Variants in INPP4B observed in about 807,000 individuals in gnomAD.
INPP4B encodes the protein inositol polyphosphate 4-phosphatase type II.
A neutral mutation model predicts 122.5 loss-of-function variants in INPP4B; 55 were observed. The ratio of observed to expected loss-of-function variants is 0.45; its 90% CI spans 0.36 to 0.56. The LOEUF (loss-of-function observed/expected upper bound fraction) is 0.56. INPP4B is among the 20% of genes least tolerant of loss of function. The pLI, the probability that INPP4B is intolerant of heterozygous loss-of-function variation, is 0.00. For missense variants in INPP4B, 1,000 were observed against 1,097.7 expected, an observed-to-expected ratio of 0.91 and a Z score of 1.26; for synonymous variants, 403 against 388.7, an observed-to-expected ratio of 1.04 and a Z score of -0.43.
chr4:142,482,616 A>C (rs1820696767), intron 2 of INPP4B, among the ~76,000 whole-genome samples: 1 of 152,156 alleles, frequency 6.6e-6, no homozygotes. Flanking sequence ...TCTCTAAGAG[A>C]CACTGATTAG....
intron 2 of INPP4B, among the ~76,000 whole-genome samples, chr4:142,473,975 T>G (rs1234169701): frequency 6.6e-6 from 1 of 151,758 alleles, no homozygotes; most frequent in Non-Finnish European, 1.5e-5. Context: ...TGCTCCTGCT[T>G]CTGTGTGTAC....
intron 2 of INPP4B, among the ~76,000 whole-genome samples, chr4:142,619,380 T>C (rs1368122143): frequency 6.6e-6 from 1 of 151,972 alleles, no homozygotes; most frequent in Non-Finnish European, 1.5e-5. Flanking sequence ...ATATGGTATA[T>C]ACATACAATG....
chr4:142,409,432 G>A (rs1225633503), intron 5 of INPP4B, among the ~76,000 whole-genome samples: 1 of 152,138 alleles, frequency 6.6e-6, no homozygotes, highest in Non-Finnish European at 1.5e-5. Context: ...AGCGGAGGTT[G>A]CAGTGAGCCG....
At chr4:142,359,534 C>T (rs1012178298) in intron 7 of INPP4B, among the ~76,000 whole-genome samples, 2 of 151,786 alleles carry the variant, frequency 1.3e-5, no homozygotes, top group African/African-American at 4.8e-5. Flanking sequence ...CCATTTTTAC[C>T]CTCCCAAATT....
At chr4:142,661,685 T>C (rs1755196287) in intron 2 of INPP4B, among the ~76,000 whole-genome samples, 1 of 152,190 alleles carries the variant, frequency 6.6e-6, no homozygotes. Flanking sequence ...AGGATGACTA[T>C]TTAAAACAGA....
At chr4:142,241,798 G>C (rs1561583642) in intron 11 of INPP4B, among the ~76,000 whole-genome samples, 1 of 152,118 alleles carries the variant, frequency 6.6e-6, no homozygotes, top group Non-Finnish European at 1.5e-5. Flanking sequence ...TGGAAATACA[G>C]ATTCAGGGTC....
chr4:142,764,435 A>C (rs542503905), intron 1 of INPP4B, among the ~76,000 whole-genome samples: 79 of 152,238 alleles, frequency 5.2e-4, no homozygotes, highest in African/African-American at 1.9e-3. Flanking sequence ...ACAGCACCAT[A>C]CTGGGCTGAC....
intron 7 of INPP4B, among the ~76,000 whole-genome samples, chr4:142,370,729 A>C (rs1446095980): frequency 6.6e-6 from 1 of 152,122 alleles, no homozygotes; most frequent in Non-Finnish European, 1.5e-5. Flanking sequence ...AATTTAACCA[A>C]GGTAGTGAAA....
intron 2 of INPP4B, among the ~76,000 whole-genome samples, chr4:142,715,230 T>C (rs1038099400): frequency 1.3e-5 from 2 of 152,220 alleles, no homozygotes; most frequent in African/African-American, 2.4e-5. Context: ...AGCAGTATCA[T>C]CTAATAGAAC....
At chr4:142,067,010 G>A (rs181650433) in intron 25 of INPP4B, among the ~76,000 whole-genome samples, 11 of 152,178 alleles carry the variant, frequency 7.2e-5, no homozygotes, top group South Asian at 2.1e-4. Flanking sequence ...ATCTGAGAAC[G>A]GACAGACTGC....
intron 1 of INPP4B, chr4:142,766,143 T>G (rs1468549321): frequency 6.6e-6 from 1 of 152,176 alleles, no homozygotes; most frequent in East Asian, 1.9e-4. Flanking sequence ...GTTCTCATTA[T>G]GTTAAATTTT....
At chr4:142,490,251 A>G (rs896508975) in intron 2 of INPP4B, among the ~76,000 whole-genome samples, 11 of 151,740 alleles carry the variant, frequency 7.2e-5, no homozygotes, top group African/African-American at 2.4e-4. Context: ...CCCTAAGCTA[A>G]TTTTTATATA....
chr4:142,214,889 G>T (rs1399765578), intron 12 of INPP4B, among the ~76,000 whole-genome samples: 2 of 152,106 alleles, frequency 1.3e-5, no homozygotes, highest in East Asian at 3.9e-4. Context: ...GATGAAAAAA[G>T]ACCTTTATTG....
chr4:142,294,657 A>C (rs1158819747), intron 9 of INPP4B, among the ~76,000 whole-genome samples: 3 of 151,592 alleles, frequency 2.0e-5, no homozygotes, highest in Non-Finnish European at 2.9e-5. Flanking sequence ...CAGAGAAATA[A>C]AGGAACTCTG....
At chr4:142,199,355 C>G in intron 14 of INPP4B, among the ~76,000 whole-genome samples, 1 of 151,842 alleles carries the variant, frequency 6.6e-6, no homozygotes, top group East Asian at 1.9e-4. Flanking sequence ...CACACACACA[C>G]AAAGATGCAC....
At chr4:142,141,482 C>T (rs190538498) in intron 18 of INPP4B, among the ~76,000 whole-genome samples, 1 of 152,178 alleles carries the variant, frequency 6.6e-6, no homozygotes, top group East Asian at 1.9e-4. Context: ...AATAAAAGGA[C>T]AATCTTCATT....
intron 2 of INPP4B, among the ~76,000 whole-genome samples, chr4:142,682,376 A>C (rs1758748678): frequency 6.6e-6 from 1 of 151,910 alleles, no homozygotes; most frequent in Admixed American, 6.6e-5. Context: ...TTTCTTTAAA[A>C]ATCTAAAGTG....
chr4:142,409,221 G>T (rs9993082), intron 5 of INPP4B, among the ~76,000 whole-genome samples: 50 of 152,090 alleles, frequency 3.3e-4, no homozygotes, highest in Non-Finnish European at 5.3e-4. Context: ...GGCCACATGC[G>T]GTGGCTCACG....
At chr4:142,759,374 A>G (rs1770961534) in intron 1 of INPP4B, among the ~76,000 whole-genome samples, 1 of 152,076 alleles carries the variant, frequency 6.6e-6, no homozygotes, top group African/African-American at 2.4e-5. Flanking sequence ...GGTTCTTTCA[A>G]ATTCTAACAC....
Sources: gnomAD v4.1 joint callset for allele counts (sites outside exome capture counted in the v4.1 genomes callset) on GRCh38, gnomAD v4.1.1 for gene constraint, MANE v1.5 for transcripts, NCBI Gene and HGNC (gene_info 2026-07-23, HGNC 2026-07-21) for gene names.